ROBO2: variants seen among roughly 807,000 people sequenced by gnomAD.
ROBO2 encodes roundabout guidance receptor 2.
In ROBO2, 53 loss-of-function variants were observed where a neutral mutation model predicts 160.8. That is an observed-to-expected ratio of 0.33 (90% confidence interval 0.26 to 0.41). ROBO2 has a LOEUF of 0.41. ROBO2 is among the 10% of genes least tolerant of loss of function. ROBO2 has a pLI of 1.00. For missense variants in ROBO2, 1,577 were observed against 1,722.4 expected (o/e 0.92, Z 1.49); for synonymous variants, 664 against 611.7 (o/e 1.09, Z -1.26).
At chr3:77,567,243 A>G (rs2093510784) in intron 12 of ROBO2, among the ~76,000 whole-genome samples, 1 of 152,086 alleles carries the variant, frequency 6.6e-6, no homozygotes, top group East Asian at 1.9e-4. Flanking sequence ...GCCTGAGATA[A>G]TAAGAAAAAA....
At chr3:76,613,378 C>T (rs1041162365) in intron 2 of ROBO2, among the ~76,000 whole-genome samples, 1 of 151,984 alleles carries the variant, frequency 6.6e-6, no homozygotes, top group African/African-American at 2.4e-5. Context: ...GTTTATTTAG[C>T]TAAATACTAC....
intron 2 of ROBO2, among the ~76,000 whole-genome samples, chr3:77,460,252 C>A (rs879036515): frequency 1.3e-5 from 2 of 151,984 alleles, no homozygotes; most frequent in Admixed American, 1.3e-4. Context: ...AATAATAATT[C>A]CTTGAGCGAT....
chr3:77,196,971 G>C (rs1401490237), intron 2 of ROBO2, among the ~76,000 whole-genome samples: 1 of 147,698 alleles, frequency 6.8e-6, no homozygotes, highest in Non-Finnish European at 1.5e-5. Flanking sequence ...AATTGCTTTT[G>C]ATAAAGAAGA....
chr3:76,743,659 A>G (rs1467823422), intron 2 of ROBO2, among the ~76,000 whole-genome samples: 1 of 152,148 alleles, frequency 6.6e-6, no homozygotes, highest in African/African-American at 2.4e-5. Flanking sequence ...GAATTGGGTT[A>G]TATATTAAAA....
At position 77,589,040 on chromosome 3, in the gene ROBO2, G is replaced by A. The variant is rs1053568710; in HGVS notation, c.2683+107G>A. ...AAATGAGTGATTTGGGCTTATTTTA[G>A]AAACCTGCACTGTAAAATGCAATTA... On this transcript the variant is annotated intron_variant, in intron 17 of 25. Transcript: ENST00000461745. 1.3e-5 allele frequency: 17 copies of A among 1,281,012 alleles called. No homozygotes were observed. In the African/African-American group the frequency reaches 2.5e-4, roughly 19 times the overall value. The allele number at this position is 1,281,012 out of a possible 1,614,324, so 79.4% of individuals were successfully genotyped here.
chr3:76,901,911 A>T (rs2075267020), intron 2 of ROBO2, among the ~76,000 whole-genome samples: 1 of 151,820 alleles, frequency 6.6e-6, no homozygotes, highest in Non-Finnish European at 1.5e-5. Context: ...CCTACCTTTC[A>T]CCATACACAC....
At chr3:76,045,335 C>G (rs1211294508) in intron 2 of ROBO2, among the ~76,000 whole-genome samples, 3 of 151,964 alleles carry the variant, frequency 2.0e-5, no homozygotes, top group Non-Finnish European at 4.4e-5. Context: ...TGTTTTACTA[C>G]TTTCTCACAT....
At chr3:76,677,615 G>A (rs9830148) in intron 2 of ROBO2, among the ~76,000 whole-genome samples, 82,418 of 151,840 alleles carry the variant, frequency 0.54, 23,234 homozygotes, top group East Asian at 0.76. Flanking sequence ...CCCAGAGTGC[G>A]AGGTGGCAGA....
intron 2 of ROBO2, among the ~76,000 whole-genome samples, chr3:76,968,802 T>C (rs1284249975): frequency 6.6e-6 from 1 of 152,226 alleles, no homozygotes; most frequent in Non-Finnish European, 1.5e-5. Context: ...ATATGTGACA[T>C]TCTCTGTTGT....
chr3:77,627,613 A>C (rs2095057931), intron 23 of ROBO2, among the ~76,000 whole-genome samples: 2 of 152,190 alleles, frequency 1.3e-5, no homozygotes, highest in Non-Finnish European at 2.9e-5. Context: ...ATTGTTGCAC[A>C]TTCAATATGT....
At chr3:76,193,626 A>G (rs978893644) in intron 2 of ROBO2, among the ~76,000 whole-genome samples, 5 of 152,204 alleles carry the variant, frequency 3.3e-5, no homozygotes, top group Non-Finnish European at 7.3e-5. Context: ...TCTTGTTGGC[A>G]TATGCCCATA....
chr3:77,397,829 G>C (rs962222387), intron 2 of ROBO2, among the ~76,000 whole-genome samples: 1 of 151,894 alleles, frequency 6.6e-6, no homozygotes, highest in African/African-American at 2.4e-5. Flanking sequence ...GTTCTTCCTA[G>C]CTTTGTACTG....
chr3:76,972,764 T>C (rs2059633103), intron 2 of ROBO2, among the ~76,000 whole-genome samples: 1 of 151,910 alleles, frequency 6.6e-6, no homozygotes, highest in Non-Finnish European at 1.5e-5. Flanking sequence ...GAGGCTGAGG[T>C]AGGAGGAATA....
intron 2 of ROBO2, among the ~76,000 whole-genome samples, chr3:76,678,637 T>G (rs1220894394): frequency 6.6e-6 from 1 of 152,184 alleles, no homozygotes; most frequent in South Asian, 2.1e-4. Context: ...AACATTTTTA[T>G]AGATGAATAG....
intron 1 of ROBO2, among the ~76,000 whole-genome samples, chr3:75,922,416 C>G (rs1423618573): frequency 6.6e-6 from 1 of 151,952 alleles, no homozygotes; most frequent in Non-Finnish European, 1.5e-5. Context: ...AAATATAAAA[C>G]TTTTCTATTT....
At chr3:76,744,275 T>TG (rs1337104183) in intron 2 of ROBO2, among the ~76,000 whole-genome samples, 2 of 152,106 alleles carry the variant, frequency 1.3e-5, no homozygotes, top group African/African-American at 4.8e-5. Flanking sequence ...CTTCTCCGCC[T>TG]GTTACTTCTT....
At chr3:76,284,380 A>G (rs1576258466) in intron 2 of ROBO2, among the ~76,000 whole-genome samples, 1 of 150,832 alleles carries the variant, frequency 6.6e-6, no homozygotes, top group Non-Finnish European at 1.5e-5. Flanking sequence ...TTTAGAGTAC[A>G]GAGCACTCCA....
chr3:76,386,588 A>T (rs569365603), intron 2 of ROBO2, among the ~76,000 whole-genome samples: 129 of 152,114 alleles, frequency 8.5e-4, no homozygotes, highest in Non-Finnish European at 1.6e-3. Context: ...AATGAGGCCA[A>T]TTGTCTATGT....
intron 2 of ROBO2, among the ~76,000 whole-genome samples, chr3:76,734,462 G>A (rs2093679750): frequency 6.6e-6 from 1 of 152,128 alleles, no homozygotes; most frequent in Non-Finnish European, 1.5e-5. Context: ...CACTGTCACA[G>A]CTTTTAAATG....
Sources: gnomAD v4.1 joint callset for allele counts (sites outside exome capture counted in the v4.1 genomes callset) on GRCh38, gnomAD v4.1.1 for gene constraint, MANE v1.5 for transcripts, NCBI Gene and HGNC (gene_info 2026-07-23, HGNC 2026-07-21) for gene names.